Variants in PDE10A observed in about 807,000 individuals in gnomAD.
PDE10A encodes phosphodiesterase 10A, also known as cAMP and cAMP-inhibited cGMP 3',5'-cyclic phosphodiesterase 10A.
In PDE10A, 39 loss-of-function variants were observed where a neutral mutation model predicts 97.7. That is an observed-to-expected ratio of 0.40 (90% CI 0.31 to 0.52). The LOEUF (loss-of-function observed/expected upper bound fraction) is 0.52. Among genes scored for constraint, PDE10A ranks in the 20% least tolerant of loss-of-function variants. PDE10A has a pLI of 0.56. For missense variants in PDE10A, 731 were observed against 1,047.8 expected (o/e 0.70, Z 4.17); for synonymous variants, 371 against 376.8 (o/e 0.98, Z 0.18).
intron 1 of PDE10A, among the ~76,000 whole-genome samples, chr6:165,636,548 A>G (rs535874829): frequency 1.8e-4 from 27 of 152,316 alleles, no homozygotes; most frequent in African/African-American, 6.0e-4. Flanking sequence ...GAAACCTCAC[A>G]TTCCAGACGT....
chr6:165,826,380 G>C (rs115153753), intron 1 of PDE10A, among the ~76,000 whole-genome samples: 4,584 of 131,310 alleles, frequency 0.035, 233 homozygotes, highest in African/African-American at 0.11. Context: ...GCATCCCTCT[G>C]TCCTCATGTC....
chr6:165,403,540 A>G (rs1185174459), intron 13 of PDE10A, among the ~76,000 whole-genome samples: 1 of 152,192 alleles, frequency 6.6e-6, no homozygotes, highest in Non-Finnish European at 1.5e-5. Flanking sequence ...GAGATATAAT[A>G]ATTGTTCTAC....
At chr6:165,820,231 T>C (rs1297521479) in intron 1 of PDE10A, among the ~76,000 whole-genome samples, 3 of 152,252 alleles carry the variant, frequency 2.0e-5, no homozygotes, top group Non-Finnish European at 4.4e-5. Context: ...TTATCACTGA[T>C]GTAGAACAAA....
intron 13 of PDE10A, among the ~76,000 whole-genome samples, chr6:165,407,613 C>A (rs1307978591): frequency 6.6e-6 from 1 of 152,194 alleles, no homozygotes; most frequent in Middle Eastern, 3.2e-3. Flanking sequence ...AAAGGTTCAA[C>A]CACTTATTCA....
intron 1 of PDE10A, among the ~76,000 whole-genome samples, chr6:165,588,788 T>C (rs1786077189): frequency 6.6e-6 from 1 of 152,184 alleles, no homozygotes; most frequent in African/African-American, 2.4e-5. Flanking sequence ...AGCTTGAATC[T>C]CTAATCCACC....
intron 1 of PDE10A, among the ~76,000 whole-genome samples, chr6:165,973,352 G>A (rs1252266731): frequency 6.6e-6 from 1 of 152,014 alleles, no homozygotes; most frequent in East Asian, 1.9e-4. Context: ...GGCGGAGGTG[G>A]CAGTGAGCCA....
rs183136009 is a variant in PDE10A at position 165,392,131 on chromosome 6, T to G, written c.2454+515A>C. Among the ~76,000 whole-genome samples the G allele has an allele frequency of 9.2e-5, 14 of 152,318 alleles. No individual in the cohort carries two copies. In the East Asian group the frequency reaches 2.7e-3, roughly 29 times the overall value. Reference sequence around the variant, plus strand: ...TGTGGTTGATGAATGGAAGTGGCCATCTCCAATTCTAACTCTGAGATTACG... The same window carrying G: ...TGTGGTTGATGAATGGAAGTGGCCAGCTCCAATTCTAACTCTGAGATTACG... On this transcript the variant is annotated intron_variant, in intron 16 of 21. Transcript: ENST00000539869.
intron 1 of PDE10A, among the ~76,000 whole-genome samples, chr6:165,572,759 T>C (rs1785108563): frequency 1.3e-5 from 2 of 152,092 alleles, no homozygotes; most frequent in South Asian, 4.1e-4. Flanking sequence ...TCACCTGAGC[T>C]CAGGGAGGTT....
intron 18 of PDE10A, among the ~76,000 whole-genome samples, chr6:165,351,291 T>G (rs937025268): frequency 6.6e-6 from 1 of 152,054 alleles, no homozygotes; most frequent in Non-Finnish European, 1.5e-5. Context: ...GCTAATGACA[T>G]CATAGTAAAT....
At position 165,327,951 on chromosome 6, in the gene PDE10A, T is replaced by C. The variant is rs1386969535; in HGVS notation, c.*5074A>G. 1 of 152,234 alleles carries C rather than the reference T, an allele frequency of 6.6e-6. No individual in the cohort carries two copies. Among genetic ancestry groups the C allele is most frequent in the African/African-American group, 2.4e-5 (1 of 41,458 alleles). 9.4% of individuals were successfully genotyped at this position (152,234 alleles called of 1,614,324 possible). The stretch of plus-strand genomic sequence containing the variant: ...AAACTCTTAGATGCCTTAGCTACGT[T>C]ATGGATCTAGGATCTCTTTTGTTCA... On this transcript the variant is annotated 3_prime_UTR_variant, in exon 22 of 22. Transcript: ENST00000539869.
chr6:165,705,035 C>T (rs1008388931), intron 1 of PDE10A, among the ~76,000 whole-genome samples: 1 of 152,236 alleles, frequency 6.6e-6, no homozygotes, highest in East Asian at 1.9e-4. Context: ...TGTCTCAAAG[C>T]ACGAGCCCTG....
intron 18 of PDE10A, among the ~76,000 whole-genome samples, chr6:165,378,219 C>A (rs951808898): frequency 2.6e-5 from 4 of 152,164 alleles, no homozygotes; most frequent in Admixed American, 6.5e-5. Flanking sequence ...TTTCTAAGAA[C>A]TTTAAAACAG....
chr6:165,391,480 A>C lies in PDE10A; in HGVS notation c.2454+1166T>G, dbSNP rs1785708167. On this transcript the variant is annotated intron_variant, in intron 16 of 21. Coordinates refer to ENST00000539869, the MANE Select transcript of PDE10A (RefSeq NM_001385079.1). ...GGCAAAATGGCAAAACAAGACAATGAAATTGCTTTCTTAAAAGGAACAGAA... is the reference window on the plus strand; with the variant it reads ...GGCAAAATGGCAAAACAAGACAATGCAATTGCTTTCTTAAAAGGAACAGAA... Among the ~76,000 whole-genome samples, 4 of 152,344 alleles carry C rather than the reference A, an allele frequency of 2.6e-5. No homozygotes were observed. The South Asian group carries it at 8.3e-4, about 32-fold the overall frequency.
At chr6:165,463,774 C>T (rs766616284) in intron 3 of PDE10A, among the ~76,000 whole-genome samples, 1 of 152,222 alleles carries the variant, frequency 6.6e-6, no homozygotes, top group Non-Finnish European at 1.5e-5. Context: ...AAAGCCCACA[C>T]TGGGAGGTTG....
intron 4 of PDE10A, 34 bp downstream of exon 4, chr6:165,450,208 A>AATTTTTTTT: frequency 7.4e-7 from 1 of 1,346,632 alleles, no homozygotes; most frequent in Admixed American, 2.9e-5. Context: ...ATCTTTGCCC[A>AATTTTTTTT]TTTTTTCTAA....
At chr6:165,358,733 T>G (rs976928236) in intron 18 of PDE10A, among the ~76,000 whole-genome samples, 1 of 151,982 alleles carries the variant, frequency 6.6e-6, no homozygotes, top group Non-Finnish European at 1.5e-5. Context: ...GTTTTCTATT[T>G]GTTGAATCTG....
chr6:165,591,203 G>T (rs1161514291), intron 1 of PDE10A, among the ~76,000 whole-genome samples: 1 of 152,148 alleles, frequency 6.6e-6, no homozygotes, highest in African/African-American at 2.4e-5. Context: ...AGTGAATTGT[G>T]TTGCAGCCGT....
At chr6:165,717,815 C>T (rs1792062843) in intron 1 of PDE10A, among the ~76,000 whole-genome samples, 2 of 152,170 alleles carry the variant, frequency 1.3e-5, no homozygotes, top group South Asian at 4.1e-4. Context: ...CAGCCATCCT[C>T]ATGGGTGGGG....
intron 18 of PDE10A, among the ~76,000 whole-genome samples, chr6:165,352,298 A>G: frequency 6.6e-6 from 1 of 152,214 alleles, no homozygotes; most frequent in Admixed American, 6.5e-5. Flanking sequence ...CTGGCTCTAT[A>G]CATTGGGCAA....
Sources: allele counts gnomAD v4.1 joint callset (sites outside exome capture counted in the v4.1 genomes callset), GRCh38; gene constraint gnomAD v4.1.1; transcripts MANE v1.5; gene names NCBI Gene and HGNC (gene_info 2026-07-23, HGNC 2026-07-21).